GRXCR1: variants seen among roughly 807,000 people sequenced by gnomAD.
The protein encoded by GRXCR1 is glutaredoxin and cysteine rich domain containing 1.
A neutral mutation model predicts 27.3 loss-of-function variants in GRXCR1; 27 were observed. The ratio of observed to expected loss-of-function variants is 0.99; its 90% CI spans 0.73 to 1.37. The LOEUF is 1.37. Ranked by LOEUF, GRXCR1 falls within the 40% of genes most tolerant of loss-of-function variation. The pLI, the probability that GRXCR1 is intolerant of heterozygous loss-of-function variation, is 0.00. For missense variants in GRXCR1, 379 were observed against 354.4 expected, an observed-to-expected ratio of 1.07 and a Z score of -0.56; for synonymous variants, 122 against 131.1, an observed-to-expected ratio of 0.93 and a Z score of 0.47.
At chr4:42,938,294 G>A (rs1250076051) in intron 1 of GRXCR1, among the ~76,000 whole-genome samples, 1 of 151,938 alleles carries the variant, frequency 6.6e-6, no homozygotes, top group African/African-American at 2.4e-5. Context: ...GTACTCCATT[G>A]TGTGCATGTG....
chr4:42,994,154 G>C (rs1347697100), intron 2 of GRXCR1, among the ~76,000 whole-genome samples: 1 of 152,112 alleles, frequency 6.6e-6, no homozygotes, highest in Non-Finnish European at 1.5e-5. Context: ...ACAACTTTCA[G>C]TCAGTTCGTG....
At chr4:42,997,869 T>C (rs778977954) in intron 2 of GRXCR1, among the ~76,000 whole-genome samples, 3 of 152,192 alleles carry the variant, frequency 2.0e-5, no homozygotes, top group Non-Finnish European at 4.4e-5. Context: ...GGCTCCTGCA[T>C]GGCATGGCGT....
chr4:43,002,396 A>T (rs1712401473), intron 2 of GRXCR1, among the ~76,000 whole-genome samples: 1 of 152,212 alleles, frequency 6.6e-6, no homozygotes, highest in South Asian at 2.1e-4. Context: ...TTTATCAAGT[A>T]TACTGCCTGT....
intron 2 of GRXCR1, among the ~76,000 whole-genome samples, chr4:42,982,200 C>A (rs1266106842): frequency 7.5e-6 from 1 of 133,974 alleles, no homozygotes; most frequent in Non-Finnish European, 1.6e-5. Flanking sequence ...TGCTATCCCT[C>A]CCCCCTCCCC....
rs549858984 is a variant in GRXCR1 at position 42,983,784 on chromosome 4, T to C, written c.627+20650T>C. Among the ~76,000 whole-genome samples the C allele has an allele frequency of 1.7e-4, 26 of 152,044 alleles. No homozygotes were observed. The East Asian group carries it at 3.5e-3, about 20-fold the overall frequency. On this transcript the variant is annotated intron_variant, in intron 2 of 3. Transcript: ENST00000399770. ...CTTTTTTATTCTTTTTTCTTTTTTC[T>C]CCTCTAAGTGTATATTTTCAAGTAA...
chr4:42,920,157 T>C (rs1028420772), intron 1 of GRXCR1, among the ~76,000 whole-genome samples: 2 of 152,050 alleles, frequency 1.3e-5, no homozygotes, highest in African/African-American at 4.8e-5. Context: ...AATAGACAAA[T>C]GACAAATGAC....
chr4:42,922,885 C>A (rs1747051732), intron 1 of GRXCR1, among the ~76,000 whole-genome samples: 2 of 152,072 alleles, frequency 1.3e-5, no homozygotes. Context: ...CCTACGGTAT[C>A]CTCCTCTGGC....
intron 2 of GRXCR1, among the ~76,000 whole-genome samples, chr4:42,989,010 C>T (rs1711870673): frequency 6.6e-6 from 1 of 152,136 alleles, no homozygotes; most frequent in Non-Finnish European, 1.5e-5. Flanking sequence ...AGGGGATCAC[C>T]CACAGGCTGT....
chr4:43,025,383 T>G lies in GRXCR1; in HGVS notation c.693+4964T>G, dbSNP rs1239433227. On this transcript the variant is annotated intron_variant, in intron 3 of 3. Coordinates refer to ENST00000399770, the MANE Select transcript of GRXCR1 (RefSeq NM_001080476.3). The stretch of plus-strand genomic sequence containing the variant: ...TACACAGTGCCTGGCTAGTGAATAC[T>G]CAATATATATTTGTGGAATGGAATG... Among the ~76,000 whole-genome samples, 3 of 152,192 alleles carry G rather than the reference T, an allele frequency of 2.0e-5. No homozygotes were observed. The East Asian group carries it at 5.8e-4, about 29-fold the overall frequency.
rs934184700 is a variant in GRXCR1 at position 42,953,385 on chromosome 4, C to A, written c.385-9507C>A. ...TCTTTTAGGATGTTTACCCTTTGAACCTGACACCATGTTACAAGAAAGTAC... is the reference window on the plus strand; with the variant it reads ...TCTTTTAGGATGTTTACCCTTTGAAACTGACACCATGTTACAAGAAAGTAC... On this transcript the variant is annotated intron_variant, in intron 1 of 3. Coordinates refer to ENST00000399770, the MANE Select transcript of GRXCR1 (RefSeq NM_001080476.3). Among the ~76,000 whole-genome samples, 8 of 152,254 alleles carry A rather than the reference C, an allele frequency of 5.3e-5. No individual in the cohort carries two copies. In the South Asian group the frequency reaches 6.2e-4, roughly 12 times the overall value.
chr4:42,911,188 G>A (rs191203303), intron 1 of GRXCR1, among the ~76,000 whole-genome samples: 2 of 152,222 alleles, frequency 1.3e-5, no homozygotes, highest in Admixed American at 1.3e-4. Context: ...ATTCTGATAT[G>A]CAATGGATGG....
At chr4:42,939,793 T>G (rs1021011479) in intron 1 of GRXCR1, among the ~76,000 whole-genome samples, 1 of 152,052 alleles carries the variant, frequency 6.6e-6, no homozygotes, top group African/African-American at 2.4e-5. Flanking sequence ...CTCTGTCTTT[T>G]GATGAGTCTG....
intron 1 of GRXCR1, among the ~76,000 whole-genome samples, chr4:42,950,067 T>A (rs1415750825): frequency 6.6e-6 from 1 of 152,188 alleles, no homozygotes; most frequent in Non-Finnish European, 1.5e-5. Flanking sequence ...TTTTTCTTGA[T>A]GCAGAAAATT....
At chr4:42,945,336 G>T (rs78935249) in intron 1 of GRXCR1, among the ~76,000 whole-genome samples, 2,822 of 152,148 alleles carry the variant, frequency 0.019, 54 homozygotes, top group African/African-American at 0.052. Context: ...AAAGAAAGAA[G>T]GAGAAATTTA....
intron 1 of GRXCR1, among the ~76,000 whole-genome samples, chr4:42,918,284 G>A (rs975902879): frequency 3.3e-5 from 5 of 152,074 alleles, no homozygotes; most frequent in African/African-American, 9.7e-5. Context: ...ACCCATTAAT[G>A]AGAGTGAAGA....
chr4:42,960,837 T>C (rs997398290), intron 1 of GRXCR1, among the ~76,000 whole-genome samples: 1 of 151,928 alleles, frequency 6.6e-6, no homozygotes. Flanking sequence ...TCTCCTTTTT[T>C]AAAATTTTAA....
intron 1 of GRXCR1, among the ~76,000 whole-genome samples, chr4:42,900,464 AT>A (rs1440929554): frequency 6.6e-6 from 1 of 151,978 alleles, no homozygotes; most frequent in Non-Finnish European, 1.5e-5. Context: ...CCTTTTTTTG[AT>A]TCTTAAATAA....
intron 2 of GRXCR1, among the ~76,000 whole-genome samples, chr4:42,971,791 CA>C (rs112846165): frequency 0.011 from 1,637 of 147,102 alleles, 18 homozygotes; most frequent in African/African-American, 0.023. Flanking sequence ...TCTCATGTCT[CA>C]AAAAAAAAAT....
intron 1 of GRXCR1, among the ~76,000 whole-genome samples, chr4:42,936,534 G>C (rs1348271196): frequency 6.6e-6 from 1 of 151,814 alleles, no homozygotes; most frequent in Admixed American, 6.6e-5. Context: ...TTATTAACAT[G>C]TTAAAATAAG....
Sources: gnomAD v4.1 joint callset for allele counts (sites outside exome capture counted in the v4.1 genomes callset) on GRCh38, gnomAD v4.1.1 for gene constraint, MANE v1.5 for transcripts, NCBI Gene and HGNC (gene_info 2026-07-23, HGNC 2026-07-21) for gene names.